Variants in ELAVL2 observed in about 807,000 individuals in gnomAD.
The protein encoded by ELAVL2 is ELAV-like protein 2.
In ELAVL2, 4 loss-of-function variants were observed where a neutral mutation model predicts 34.6. That is an observed-to-expected ratio of 0.12 (90% CI 0.06 to 0.26). ELAVL2 has a LOEUF of 0.26. ELAVL2 is among the 10% of genes least tolerant of loss of function. The pLI, the probability that ELAVL2 is intolerant of heterozygous loss-of-function variation, is 1.00. For missense variants in ELAVL2, 432 were observed against 442.8 expected (o/e 0.98, Z 0.22); for synonymous variants, 193 against 154.8 (o/e 1.25, Z -1.83).
rs1055450040 is a variant in ELAVL2 at position 23,692,492 on chromosome 9, A to C, written c.*65T>G. 2.7e-6 allele frequency: 4 copies of C among 1,484,482 alleles called. No homozygotes were observed. The African/African-American group carries it at 5.6e-5, about 21-fold the overall frequency. The allele number at this position is 1,484,482 out of a possible 1,614,324, so 92.0% of individuals were successfully genotyped here. On this transcript the variant is annotated 3_prime_UTR_variant, in exon 7 of 7. Transcript: ENST00000397312. ...TACAAAGACATTTACTAATGTATAA[A>C]GTTTCTCTTAACTTGCCTTTGTTGT... is the stretch of plus-strand genomic sequence containing the variant.
intron 4 of ELAVL2, among the ~76,000 whole-genome samples, chr9:23,703,067 A>C (rs2038029126): frequency 6.7e-6 from 1 of 148,952 alleles, no homozygotes; most frequent in Admixed American, 6.8e-5. Flanking sequence ...ACCCTCAGAG[A>C]TTTATTCAGT....
intron 2 of ELAVL2, among the ~76,000 whole-genome samples, chr9:23,750,559 A>C (rs2051696438): frequency 6.6e-6 from 1 of 152,152 alleles, no homozygotes; most frequent in Non-Finnish European, 1.5e-5. Context: ...ATCACTTGGC[A>C]CCATGTTTAA....
intron 3 of ELAVL2, among the ~76,000 whole-genome samples, chr9:23,730,412 T>C (rs2046249864): frequency 6.6e-6 from 1 of 152,118 alleles, no homozygotes; most frequent in Admixed American, 6.6e-5. Flanking sequence ...TAGAGCAAAC[T>C]ACAACTCAAG....
chr9:23,728,035 G>A (rs1242576361), intron 3 of ELAVL2, among the ~76,000 whole-genome samples: 1 of 152,014 alleles, frequency 6.6e-6, no homozygotes, highest in Non-Finnish European at 1.5e-5. Flanking sequence ...GTCCTGGCAA[G>A]AGTTTTGATA....
chr9:23,701,729 CAA>C, intron 4 of ELAVL2, 125 bp from the exon 5 acceptor site: 3 of 987,286 alleles, frequency 3.0e-6, no homozygotes, highest in Non-Finnish European at 4.5e-6. Flanking sequence ...ACATTTCCCA[CAA>C]AATCACACCA....
At chr9:23,707,478 C>A (rs1016758400) in intron 3 of ELAVL2, among the ~76,000 whole-genome samples, 6 of 151,404 alleles carry the variant, frequency 4.0e-5, no homozygotes, top group Non-Finnish European at 8.8e-5. Context: ...CAGCCATGTC[C>A]CATGGGCTCC....
chr9:23,726,188 T>C (rs2045106040), intron 3 of ELAVL2, among the ~76,000 whole-genome samples: 1 of 151,974 alleles, frequency 6.6e-6, no homozygotes, highest in Non-Finnish European at 1.5e-5. Flanking sequence ...AGAATACAGG[T>C]TTCTTAGGTT....
chr9:23,732,757 C>A (rs990171863), intron 2 of ELAVL2, among the ~76,000 whole-genome samples: 1 of 152,102 alleles, frequency 6.6e-6, no homozygotes, highest in African/African-American at 2.4e-5. Flanking sequence ...AGCTGTGCAA[C>A]TTTGAAGAAG....
At chr9:23,840,317 GT>G in the ELAVL2 span, among the ~76,000 whole-genome samples, 1 of 152,146 alleles carries the variant, frequency 6.6e-6, no homozygotes, top group Non-Finnish European at 1.5e-5. Context: ...TACCTGTGAG[GT>G]TTTTTTCTTT....
At chr9:23,749,681 G>C (rs571747333) in intron 2 of ELAVL2, among the ~76,000 whole-genome samples, 6 of 152,034 alleles carry the variant, frequency 3.9e-5, no homozygotes, top group Non-Finnish European at 5.9e-5. Flanking sequence ...TGACTTTTGG[G>C]ATATTGTTAG....
At chr9:23,842,826 G>A in the ELAVL2 span, among the ~76,000 whole-genome samples, 1 of 152,090 alleles carries the variant, frequency 6.6e-6, no homozygotes, top group Admixed American at 6.6e-5. Flanking sequence ...TGGGCCACTG[G>A]CTACATATCA....
intron 1 of ELAVL2, among the ~76,000 whole-genome samples, chr9:23,805,409 A>C (rs1210243476): frequency 6.6e-6 from 1 of 152,238 alleles, no homozygotes; most frequent in African/African-American, 2.4e-5. Flanking sequence ...ACAGGATCAC[A>C]ACCCTGCTGC....
chr9:23,731,040 A>C lies in ELAVL2; in HGVS notation c.315T>G (p.Leu105=). Residue 105 remains leucine (L), a synonymous_variant, in exon 3 of 7, where the codon CTT becomes CTG. Coordinates refer to ENST00000397312, the MANE Select transcript of ELAVL2 (RefSeq NM_004432.5). The part of the protein sequence containing the change: ...KAINTLNGLR[L]QTKTIKVSYA... ...AACATACTTTTATTGTTTTGGTTTG[A>C]AGTCTCAATCCATTCAGGGTGTTGA... is the stretch of plus-strand genomic sequence containing the variant. 6.2e-7 allele frequency: 1 copy of C among 1,612,804 alleles called. No individual in the cohort carries two copies. The highest frequency in any genetic ancestry group is 8.5e-7 in the Non-Finnish European group (1 of 1,179,276).
chr9:23,716,333 T>TA (rs531123185), intron 3 of ELAVL2, among the ~76,000 whole-genome samples: 61 of 152,250 alleles, frequency 4.0e-4, no homozygotes, highest in Non-Finnish European at 6.6e-4. Flanking sequence ...TATGTATATA[T>TA]AAAAAAACTT....
At chr9:23,737,849 T>C (rs1226496519) in intron 2 of ELAVL2, among the ~76,000 whole-genome samples, 1 of 152,212 alleles carries the variant, frequency 6.6e-6, no homozygotes, top group Non-Finnish European at 1.5e-5. Flanking sequence ...AATGCAATAC[T>C]TTTAAAAAGC....
chr9:23,811,109 G>C (rs1164087624), intron 1 of ELAVL2, among the ~76,000 whole-genome samples: 1 of 152,002 alleles, frequency 6.6e-6, no homozygotes, highest in Non-Finnish European at 1.5e-5. Flanking sequence ...TCCTGTCTAG[G>C]TCACAAACTA....
chr9:23,830,794 C>G (rs2065476676), upstream of ELAVL2, among the ~76,000 whole-genome samples: 2 of 152,054 alleles, frequency 1.3e-5, no homozygotes, highest in Non-Finnish European at 2.9e-5. Context: ...ACAAATGTCC[C>G]CAGATTTCCT....
At chr9:23,761,022 A>G (rs1309150948) in intron 2 of ELAVL2, among the ~76,000 whole-genome samples, 2 of 152,042 alleles carry the variant, frequency 1.3e-5, no homozygotes, top group African/African-American at 4.8e-5. Context: ...GCCAATGGAA[A>G]CCAGAAGTCT....
intron 1 of ELAVL2, among the ~76,000 whole-genome samples, chr9:23,817,090 G>A (rs4246853): frequency 2.6e-5 from 4 of 151,418 alleles, no homozygotes; most frequent in Non-Finnish European, 5.9e-5. Context: ...CTTACAGTAA[G>A]TATAATTTTA....
Sources: gnomAD v4.1 joint callset for allele counts (sites outside exome capture counted in the v4.1 genomes callset) on GRCh38, gnomAD v4.1.1 for gene constraint, MANE v1.5 for transcripts, NCBI Gene and HGNC (gene_info 2026-07-23, HGNC 2026-07-21) for gene names.